The following IL7R variants were observed in gnomAD, a reference collection of about 807,000 sequenced individuals.
The protein encoded by IL7R is interleukin-7 receptor subunit alpha.
In IL7R, 38 loss-of-function variants were observed where a neutral mutation model predicts 47.0. The ratio of observed to expected loss-of-function variants is 0.81; its 90% CI spans 0.62 to 1.06. IL7R has a LOEUF of 1.06. Ranked by LOEUF, IL7R falls within the 50% of genes least tolerant of loss-of-function variation. The pLI is 0.00. For synonymous variants in IL7R, 221 were observed against 199.8 expected, an observed-to-expected ratio of 1.11 and a Z score of -0.89; for missense variants, 633 against 534.8, an observed-to-expected ratio of 1.18 and a Z score of -1.81.
In IL7R at chr5:35,876,636, A is replaced by C. The variant is rs771415130; in HGVS notation, c.*150A>C. On this transcript the variant is annotated 3_prime_UTR_variant, in exon 8 of 8. Coordinates refer to ENST00000303115, the MANE Select transcript of IL7R (RefSeq NM_002185.5). ...TGCAAGATTCTGAAACATTGCTTTG[A>C]CCACTCTTCCTGAGTTCAGTGGCAC... The C allele has an allele frequency of 3.5e-5, 29 of 820,088 alleles. No individual in the cohort carries two copies. Among genetic ancestry groups the C allele is most frequent in the Non-Finnish European group, 5.6e-5 (28 of 500,032 alleles). 50.8% of individuals were successfully genotyped at this position (820,088 alleles called of 1,614,324 possible).
intron 7 of IL7R, 106 bp from the exon 8 acceptor site, chr5:35,875,877 G>T: frequency 8.0e-7 from 1 of 1,250,840 alleles, no homozygotes; most frequent in Admixed American, 1.7e-5. Flanking sequence ...TGGCAATTCT[G>T]TGACATTCCC....
In IL7R at chr5:35,867,393, A is replaced by G. The variant is rs759585748; in HGVS notation, c.309A>G (p.Gly103=). The G allele has an allele frequency of 1.2e-6, 2 of 1,613,478 alleles. No individual in the cohort carries two copies. Among genetic ancestry groups the G allele is most frequent in the Non-Finnish European group, 1.7e-6 (2 of 1,179,456 alleles). The change falls in exon 3 of 8, where the codon GGA becomes GGG. Residue 103 remains glycine, a synonymous_variant. Transcript: ENST00000303115. ...FIETKKFLLI[G]KSNICVKVGE... ...AGACAAAGAAATTCTTACTGATTGG[A>G]AAGAGCAATATATGTGTGAAGGTTG...
In IL7R at chr5:35,866,394, C is replaced by T. The variant is rs11567730; in HGVS notation, c.222-912C>T. Among the ~76,000 whole-genome samples the T allele has an allele frequency of 8.0e-3, 1,209 of 152,066 alleles. 20 individuals carry two copies. The highest frequency in any genetic ancestry group is 0.028 in the African/African-American group (1,149 of 41,476). ...TAATATTTTGGCCAGGTTTGGGTACCAGGATTAAGCTAGCTTCAAAAAATA... is the reference window on the plus strand; with the variant it reads ...TAATATTTTGGCCAGGTTTGGGTACTAGGATTAAGCTAGCTTCAAAAAATA... On this transcript the variant is annotated intron_variant, in intron 2 of 7. Transcript: ENST00000303115.
Position 35,877,187 on chromosome 5 carries a change from G to C in IL7R, c.*701G>C, listed in dbSNP as rs962189034. On this transcript the variant is annotated 3_prime_UTR_variant, in exon 8 of 8. Transcript: ENST00000303115. ...TTTATGATCCAAACTGAGTCAGTTTGGAAAGTGAAAGGGAAACTTACATAT... is the reference window on the plus strand; with the variant it reads ...TTTATGATCCAAACTGAGTCAGTTTCGAAAGTGAAAGGGAAACTTACATAT... 3 of 233,200 alleles carry C rather than the reference G, an allele frequency of 1.3e-5. No homozygotes were observed. Among genetic ancestry groups the C allele is most frequent in the African/African-American group, 6.6e-5 (3 of 45,318 alleles). 14.4% of individuals were successfully genotyped at this position (233,200 alleles called of 1,614,324 possible). A position where few individuals can be genotyped will look rare whatever the true frequency, so the allele number is the denominator to read the frequency against.
chr5:35,858,946 G>A (rs1188529516), intron 1 of IL7R, among the ~76,000 whole-genome samples: 1 of 152,150 alleles, frequency 6.6e-6, no homozygotes, highest in African/African-American at 2.4e-5. Context: ...CTTAACCACT[G>A]TGTACATTAA....
intron 2 of IL7R, among the ~76,000 whole-genome samples, chr5:35,862,481 C>T (rs1406671131): frequency 6.6e-6 from 1 of 152,114 alleles, no homozygotes; most frequent in African/African-American, 2.4e-5. Flanking sequence ...CTGTCCAGAG[C>T]CTCCTCTATT....
chr5:35,865,734 C>T (rs952799326), intron 2 of IL7R, among the ~76,000 whole-genome samples: 78 of 151,926 alleles, frequency 5.1e-4, no homozygotes, highest in African/African-American at 1.8e-3. Context: ...CCAGAATCTA[C>T]AATGAACTCA....
chr5:35,872,863 C>T (rs188763759), intron 4 of IL7R, among the ~76,000 whole-genome samples: 2 of 150,958 alleles, frequency 1.3e-5, no homozygotes, highest in African/African-American at 4.9e-5. Context: ...ATTAAAAAAA[C>T]AAATATCACA....
rs1580850828 is a variant in IL7R at position 35,859,956 on chromosome 5, T to C, written c.83-896T>C. 5.5e-5 allele frequency among the ~76,000 whole-genome samples: 4 copies of C among 72,306 alleles called. 1 individual carries two copies. The highest frequency in any genetic ancestry group is 4.1e-4 in the Admixed American group (4 of 9,810). 47.4% of individuals were successfully genotyped at this position (72,306 alleles called of 152,430 possible). The stretch of plus-strand genomic sequence containing the variant: ...CTGACATATTTATTCCAGCCTCACT[T>C]TCTATCATGTAAAACATACATACAA... On this transcript the variant is annotated intron_variant, in intron 1 of 7. Coordinates refer to ENST00000303115, the MANE Select transcript of IL7R (RefSeq NM_002185.5).
rs111370546 is a variant in IL7R at position 35,867,471 on chromosome 5, G to T, written c.379+8G>T. 8 of 1,610,042 alleles carry T rather than the reference G, an allele frequency of 5.0e-6. No individual in the cohort carries two copies. In the East Asian group the frequency reaches 1.6e-4, roughly 31 times the overall value. On this transcript the variant is annotated splice_region_variant and intron_variant, in intron 3 of 7. Coordinates refer to ENST00000303115, the MANE Select transcript of IL7R (RefSeq NM_002185.5). ...TAGACCTAACCACTATAGGTAAGAA[G>T]TTGTATATAAAAGTATGGTTGTCAC... is the stretch of plus-strand genomic sequence containing the variant.
intron 6 of IL7R, among the ~76,000 whole-genome samples, chr5:35,874,889 T>G (rs573456593): frequency 6.6e-6 from 1 of 152,340 alleles, no homozygotes; most frequent in Admixed American, 6.5e-5. Context: ...TTCATGGGAT[T>G]TTTTATACTA....
rs1353251 is a variant in IL7R at position 35,857,105 on chromosome 5, C to T, written c.82+46C>T. ...CTTATGGATTTTGGATTATCTGTAG[C>T]ATGGTTTCAGGTTATTCAGTTCCCT... On this transcript the variant is annotated intron_variant, in intron 1 of 7. Coordinates refer to ENST00000303115, the MANE Select transcript of IL7R (RefSeq NM_002185.5). 0.23 allele frequency: 280,186 copies of T among 1,209,236 alleles called. 38,910 individuals carry two copies. The highest frequency in any genetic ancestry group is 0.52 in the East Asian group (22,453 of 42,968). The allele number at this position is 1,209,236 out of a possible 1,614,324, so 74.9% of individuals were successfully genotyped here.
At chr5:35,873,343 G>A (rs767549319) in intron 4 of IL7R, 137 bp from the exon 5 acceptor site, 286 of 767,352 alleles carry the variant, frequency 3.7e-4, no homozygotes, top group Admixed American at 8.1e-5. Context: ...ACGTATCAGA[G>A]CTCCTTATTC....
Position 35,867,414 on chromosome 5 carries a change from G to T in IL7R, c.330G>T (p.Lys110Asn). 2 of 1,613,402 alleles carry T rather than the reference G, an allele frequency of 1.2e-6. No individual in the cohort carries two copies. The highest frequency in any genetic ancestry group is 1.7e-6 in the Non-Finnish European group (2 of 1,179,566). The change falls in exon 3 of 8, where the codon AAG becomes AAT. Residue 110 changes from lysine to asparagine, a missense_variant. Transcript: ENST00000303115. ...LLIGKSNICV[K>N]VGEKSLTCKK... ...TTGGAAAGAGCAATATATGTGTGAA[G>T]GTTGGAGAAAAGAGTCTAACCTGCA... is the stretch of plus-strand genomic sequence containing the variant.
At chr5:35,873,809 C>T (rs988956956) in intron 5 of IL7R, among the ~76,000 whole-genome samples, 161 bp downstream of exon 5, 3 of 152,170 alleles carry the variant, frequency 2.0e-5, no homozygotes, top group African/African-American at 7.2e-5. Flanking sequence ...GCTGTCTTTG[C>T]GCCTTTTGTG....
At chr5:35,873,804 C>G (rs751197954) in intron 5 of IL7R, among the ~76,000 whole-genome samples, 156 bp downstream of exon 5, 1 of 152,206 alleles carries the variant, frequency 6.6e-6, no homozygotes, top group Non-Finnish European at 1.5e-5. Flanking sequence ...TGCCTGCTGT[C>G]TTTGCGCCTT....
rs201058754 is a variant in IL7R at position 35,867,399 on chromosome 5, C to G, written c.315C>G (p.Ser105Arg). ...ETKKFLLIGK[S>R]NICVKVGEKS... ...AGAAATTCTTACTGATTGGAAAGAG[C>G]AATATATGTGTGAAGGTTGGAGAAA... Residue 105 changes from serine (S) to arginine (R), a missense_variant, in exon 3 of 8, where the codon AGC (serine) becomes AGG (arginine). By Grantham distance (110) the Ser-to-Arg change is moderately radical (BLOSUM62 -1). Transcript: ENST00000303115. 2.5e-6 allele frequency: 4 copies of G among 1,612,622 alleles called. No individual in the cohort carries two copies. The highest frequency in any genetic ancestry group is 3.4e-6 in the Non-Finnish European group (4 of 1,178,888).
At chr5:35,867,550 C>A (rs1759971272) in intron 3 of IL7R, 87 bp downstream of exon 3, 4 of 1,049,200 alleles carry the variant, frequency 3.8e-6, no homozygotes, top group Admixed American at 1.7e-5. Flanking sequence ...TAAAAGTAGA[C>A]AAATAGTGGA....
At chr5:35,857,158 G>A in intron 1 of IL7R, 99 bp downstream of exon 1, 1 of 803,382 alleles carries the variant, frequency 1.2e-6, no homozygotes, top group African/African-American at 1.7e-5. Flanking sequence ...CACTGGGTTT[G>A]AATGCAGTTT....
Sources: allele counts gnomAD v4.1 joint callset (sites outside exome capture counted in the v4.1 genomes callset), GRCh38; gene constraint gnomAD v4.1.1; transcripts MANE v1.5; gene names NCBI Gene and HGNC (gene_info 2026-07-23, HGNC 2026-07-21).